The following PAN3 variants were observed in gnomAD, a reference collection of about 807,000 sequenced individuals.
PAN3 encodes the protein poly(A) specific ribonuclease subunit PAN3, also known as PAN2-PAN3 deadenylation complex subunit PAN3.
Under a neutral mutation model 96.2 loss-of-function variants are expected in PAN3, and 19 were observed. That is an observed-to-expected ratio of 0.20 (90% CI 0.14 to 0.29). The LOEUF (loss-of-function observed/expected upper bound fraction) is 0.29, where lower values mean the gene tolerates loss of function less well. Among genes scored for constraint, PAN3 ranks in the 10% least tolerant of loss-of-function variants. The pLI, the probability that PAN3 is intolerant of heterozygous loss-of-function variation, is 1.00. For missense variants in PAN3, 882 were observed against 1,108.1 expected (o/e 0.80, Z 2.90); for synonymous variants, 433 against 406.6 (o/e 1.06, Z -0.78).
intron 6 of PAN3, among the ~76,000 whole-genome samples, chr13:28,247,674 G>A (rs1039577077): frequency 6.6e-6 from 1 of 152,118 alleles, no homozygotes; most frequent in Non-Finnish European, 1.5e-5. Flanking sequence ...ACCATTTATT[G>A]AAGAGGCCAT....
intron 18 of PAN3, among the ~76,000 whole-genome samples, chr13:28,291,622 G>C (rs1869757533): frequency 6.6e-6 from 1 of 152,184 alleles, no homozygotes; most frequent in African/African-American, 2.4e-5. Context: ...CTGAGGTCAG[G>C]AGTTCGAGAC....
At chr13:28,256,175 C>T in intron 6 of PAN3, 117 bp from the exon 7 acceptor site, 1 of 1,070,106 alleles carries the variant, frequency 9.3e-7, no homozygotes, top group Non-Finnish European at 1.4e-6. Context: ...TTCATCTTTG[C>T]ACTTACGATC....
intron 1 of PAN3, among the ~76,000 whole-genome samples, chr13:28,141,454 C>CTTTTTTTTT (rs1171413517): frequency 8.1e-6 from 1 of 123,912 alleles, no homozygotes; most frequent in Non-Finnish European, 1.7e-5. Flanking sequence ...TTTTCTTTTT[C>CTTTTTTTTT]TTTTTTTCTT....
chr13:28,150,657 T>C (rs1871258964), intron 1 of PAN3, among the ~76,000 whole-genome samples: 1 of 150,978 alleles, frequency 6.6e-6, no homozygotes. Flanking sequence ...AAAAAAAAGA[T>C]TTAATGTATA....
intron 1 of PAN3, among the ~76,000 whole-genome samples, chr13:28,161,806 G>C (rs1324103047): frequency 6.6e-6 from 1 of 152,142 alleles, no homozygotes; most frequent in Non-Finnish European, 1.5e-5. Context: ...TTTTTCCTTG[G>C]TTTGTGAACT....
chr13:28,261,481 C>T (rs1885715047), intron 9 of PAN3, 23 bp downstream of exon 9: 2 of 1,594,198 alleles, frequency 1.3e-6, no homozygotes, highest in Admixed American at 1.7e-5. Context: ...TTGATCCTTC[C>T]TTTCTTTTAA....
intron 18 of PAN3, among the ~76,000 whole-genome samples, chr13:28,290,174 T>C (rs1471176506): frequency 1.3e-5 from 2 of 152,230 alleles, no homozygotes; most frequent in Admixed American, 1.3e-4. Context: ...TCTGACCCTT[T>C]ATAGAAAACA....
chr13:28,230,241 C>T (rs1002655889), intron 6 of PAN3, among the ~76,000 whole-genome samples: 3 of 151,802 alleles, frequency 2.0e-5, no homozygotes, highest in Non-Finnish European at 4.4e-5. Context: ...TAGGAGTTGC[C>T]GATGCTTAGT....
At chr13:28,269,466 GA>G (rs1387888535) in intron 12 of PAN3, among the ~76,000 whole-genome samples, 21 of 142,660 alleles carry the variant, frequency 1.5e-4, no homozygotes, top group African/African-American at 4.1e-4. Context: ...TAGCACAAGT[GA>G]AAAAAAAAAG....
intron 17 of PAN3, 114 bp downstream of exon 17, chr13:28,281,493 G>T: frequency 1.0e-6 from 1 of 968,588 alleles, no homozygotes; most frequent in South Asian, 1.5e-5. Flanking sequence ...CATGTGAAGT[G>T]ACCTTAAGAT....
intron 12 of PAN3, 50 bp downstream of exon 12, chr13:28,267,451 G>A (rs762582101): frequency 2.1e-6 from 3 of 1,420,174 alleles, no homozygotes; most frequent in East Asian, 4.6e-5. Context: ...CTTTTGCTCT[G>A]TGGAAGAGTA....
At chr13:28,179,551 A>G (rs1276304572) in intron 4 of PAN3, among the ~76,000 whole-genome samples, 1 of 152,086 alleles carries the variant, frequency 6.6e-6, no homozygotes, top group Non-Finnish European at 1.5e-5. Context: ...CCCATCTCTT[A>G]TAAAAATAAA....
chr13:28,235,680 T>TACACACACACACACACACACAC (rs1555285712), intron 6 of PAN3, among the ~76,000 whole-genome samples: 1 of 109,536 alleles, frequency 9.1e-6, no homozygotes, highest in African/African-American at 4.3e-5. Flanking sequence ...CTTTCTCTAA[T>TACACACACACACACACACACAC]ATACACACAC....
Position 28,295,014 on chromosome 13 carries a change from A to G in PAN3, c.*2492A>G, listed in dbSNP as rs987440927. On this transcript the variant is annotated 3_prime_UTR_variant, in exon 19 of 19. Transcript: ENST00000380958. Reference sequence around the variant, plus strand: ...ATCCAAGAGTAGTCAAATTAAGGATATAAACTTTCCACACCTTCCTGTCGT... The same window carrying G: ...ATCCAAGAGTAGTCAAATTAAGGATGTAAACTTTCCACACCTTCCTGTCGT... 4 of 152,192 alleles carry G rather than the reference A, an allele frequency of 2.6e-5. No homozygotes were observed. The highest frequency in any genetic ancestry group is 6.5e-5 in the Admixed American group (1 of 15,284). 9.4% of individuals were successfully genotyped at this position (152,192 alleles called of 1,614,324 possible). A position where few individuals can be genotyped will look rare whatever the true frequency, so the allele number is the denominator to read the frequency against.
chr13:28,292,384 A>C lies in PAN3; in HGVS notation c.2526A>C (p.Leu842=). 2 of 1,604,456 alleles carry C rather than the reference A, an allele frequency of 1.2e-6. No individual in the cohort carries two copies. Among genetic ancestry groups the C allele is most frequent in the Non-Finnish European group, 1.7e-6 (2 of 1,175,918 alleles). Residue 842 remains leucine, a splice_region_variant and synonymous_variant, in exon 19 of 19, where the codon CTA becomes CTC. Coordinates refer to ENST00000380958, the MANE Select transcript of PAN3 (RefSeq NM_175854.8). The part of the protein sequence containing the change: ...LSHIISCLNK[L]DAGVPEKISL... ...ATTTTGTGTATATATTGTTTCAGCT[A>C]GATGCTGGTGTGCCAGAAAAAATAA...
At chr13:28,269,716 C>T (rs1032493850) in intron 12 of PAN3, among the ~76,000 whole-genome samples, 1 of 152,146 alleles carries the variant, frequency 6.6e-6, no homozygotes, top group Non-Finnish European at 1.5e-5. Context: ...TTACCGGTCC[C>T]ATTTTTTTGA....
chr13:28,158,558 T>C (rs1401541786), intron 1 of PAN3, among the ~76,000 whole-genome samples: 1 of 152,176 alleles, frequency 6.6e-6, no homozygotes, highest in African/African-American at 2.4e-5. Flanking sequence ...AGAAGACATA[T>C]ACTCAGCCAA....
At chr13:28,238,535 A>T (rs1226788179) in intron 6 of PAN3, among the ~76,000 whole-genome samples, 1 of 152,236 alleles carries the variant, frequency 6.6e-6, no homozygotes, top group Non-Finnish European at 1.5e-5. Flanking sequence ...TTTATGGCTG[A>T]GAATCAAGAT....
intron 9 of PAN3, among the ~76,000 whole-genome samples, chr13:28,262,301 T>C (rs1885808379): frequency 6.6e-6 from 1 of 152,224 alleles, no homozygotes; most frequent in African/African-American, 2.4e-5. Context: ...GTATCTTTCC[T>C]TAGCTTACTC....
Sources: gnomAD v4.1 joint callset for allele counts (sites outside exome capture counted in the v4.1 genomes callset) on GRCh38, gnomAD v4.1.1 for gene constraint, MANE v1.5 for transcripts, NCBI Gene and HGNC (gene_info 2026-07-23, HGNC 2026-07-21) for gene names.